Variants in SHCBP1L observed in about 807,000 individuals in gnomAD.
SHCBP1L encodes testicular spindle-associated protein SHCBP1L.
Under a neutral mutation model 62.5 loss-of-function variants are expected in SHCBP1L, and 67 were observed. That is an observed-to-expected ratio of 1.07 (90% CI 0.88 to 1.31). The LOEUF is 1.31. Ranked by LOEUF, SHCBP1L falls within the 40% of genes most tolerant of loss-of-function variation. SHCBP1L has a pLI of 0.00. For synonymous variants in SHCBP1L, 284 were observed against 289.4 expected (o/e 0.98, Z 0.19); for missense variants, 823 against 809.8 (o/e 1.02, Z -0.20).
chr1:182,930,701 G>GTA (rs1170188487), intron 5 of SHCBP1L, among the ~76,000 whole-genome samples: 184 of 38,448 alleles, frequency 4.8e-3, no homozygotes, highest in Middle Eastern at 0.025. Context: ...GTGTGTGTGT[G>GTA]TGTATATATA....
intron 6 of SHCBP1L, among the ~76,000 whole-genome samples, chr1:182,910,191 T>TGGGA (rs1470169811): frequency 6.6e-6 from 1 of 152,220 alleles, no homozygotes; most frequent in African/African-American, 2.4e-5. Context: ...AATCAACTTT[T>TGGGA]GGGAGCTCTA....
chr1:182,902,195 A>G (rs12083016), intron 9 of SHCBP1L, among the ~76,000 whole-genome samples: 54 of 151,446 alleles, frequency 3.6e-4, no homozygotes, highest in African/African-American at 1.2e-3. Context: ...GACTACAGGC[A>G]TATGCCACCA....
intron 6 of SHCBP1L, among the ~76,000 whole-genome samples, chr1:182,906,432 CT>C (rs72253101): frequency 0.081 from 11,475 of 142,112 alleles, 1,093 homozygotes; most frequent in African/African-American, 0.23. Flanking sequence ...GAACAAAATT[CT>C]TTTTTTTTTT....
At chr1:182,911,453 A>G (rs73044363) in intron 6 of SHCBP1L, among the ~76,000 whole-genome samples, 12,309 of 152,184 alleles carry the variant, frequency 0.081, 1,331 homozygotes, top group African/African-American at 0.25. Context: ...AAATTGCAAG[A>G]CATACAAAAA....
intron 6 of SHCBP1L, among the ~76,000 whole-genome samples, chr1:182,927,760 G>A (rs1358621443): frequency 6.6e-6 from 1 of 151,144 alleles, no homozygotes; most frequent in African/African-American, 2.4e-5. Flanking sequence ...TAAAATCCAA[G>A]GTCTAAGTAA....
rs549198988 is a variant in SHCBP1L at position 182,902,848 on chromosome 1, C to T, written c.1710+191G>A. On this transcript the variant is annotated intron_variant, in intron 9 of 9. Coordinates refer to ENST00000367547, the MANE Select transcript of SHCBP1L (RefSeq NM_030933.4). ...AGGTTATTTGCAAAGAGTTTAAGTA[C>T]AAATTATTAAATTATAAGGCTAAAC... Among the ~76,000 whole-genome samples the T allele has an allele frequency of 6.2e-4, 94 of 152,200 alleles. 1 individual carries two copies. Among genetic ancestry groups the T allele is most frequent in the African/African-American group, 2.1e-3 (86 of 41,532 alleles).
chr1:182,940,464 A>G lies in SHCBP1L; in HGVS notation c.635T>C (p.Ile212Thr), dbSNP rs754830226. 19 of 1,613,874 alleles carry G rather than the reference A, an allele frequency of 1.2e-5. No individual in the cohort carries two copies. Among genetic ancestry groups the G allele is most frequent in the African/African-American group, 6.7e-5 (5 of 74,918 alleles). The part of the protein sequence containing the change: ...VSVAEPFSSN[I>T]ANIPRDLVDE... Reference sequence around the variant, plus strand: ...AACCAAATCTCTTGGAATATTTGCAATGTTGGAAGAAAAGGGCTCAGCAAC... The same window carrying G: ...AACCAAATCTCTTGGAATATTTGCAGTGTTGGAAGAAAAGGGCTCAGCAAC... Residue 212 changes from isoleucine to threonine, a missense_variant, in exon 3 of 10, where the codon ATT becomes ACT. Ile to Thr is a moderately conservative substitution (Grantham distance 89, BLOSUM62 -1). Transcript: ENST00000367547.
At chr1:182,901,936 A>T (rs1649852222) in intron 9 of SHCBP1L, among the ~76,000 whole-genome samples, 1 of 152,230 alleles carries the variant, frequency 6.6e-6, no homozygotes. Flanking sequence ...GCATGCTAAC[A>T]TTCAAGGACC....
intron 5 of SHCBP1L, among the ~76,000 whole-genome samples, chr1:182,933,520 CA>C (rs773669599): frequency 4.6e-5 from 7 of 151,998 alleles, no homozygotes; most frequent in Non-Finnish European, 1.0e-4. Context: ...CCTTCTATTC[CA>C]AGTTTTTTTT....
intron 5 of SHCBP1L, among the ~76,000 whole-genome samples, chr1:182,935,023 T>C (rs1651121836): frequency 6.6e-6 from 1 of 152,150 alleles, no homozygotes; most frequent in African/African-American, 2.4e-5. Context: ...ATTTATGGAC[T>C]CTATTTCCTT....
At chr1:182,922,098 A>G (rs1650545319) in intron 6 of SHCBP1L, among the ~76,000 whole-genome samples, 1 of 152,220 alleles carries the variant, frequency 6.6e-6, no homozygotes, top group African/African-American at 2.4e-5. Context: ...AAGAAGAATT[A>G]ACTATCTTAA....
intron 5 of SHCBP1L, among the ~76,000 whole-genome samples, chr1:182,930,938 C>CA (rs1650979421): frequency 1.4e-5 from 2 of 143,692 alleles, no homozygotes; most frequent in Non-Finnish European, 3.0e-5. Flanking sequence ...ATTGCCCAAG[C>CA]TGGTCTTGAA....
At chr1:182,942,136 A>T (rs1339262172) in intron 2 of SHCBP1L, 3 of 908,270 alleles carry the variant, frequency 3.3e-6, no homozygotes, top group South Asian at 2.6e-5. Flanking sequence ...CTCCTGCTTC[A>T]TCAGAGGCTG....
At chr1:182,945,300 C>G (rs1044788801) in intron 2 of SHCBP1L, among the ~76,000 whole-genome samples, 1 of 152,086 alleles carries the variant, frequency 6.6e-6, no homozygotes, top group African/African-American at 2.4e-5. Context: ...ATTAATTTAG[C>G]CCCAAATTCC....
At chr1:182,945,708 C>G (rs1476060140) in intron 2 of SHCBP1L, among the ~76,000 whole-genome samples, 1 of 152,196 alleles carries the variant, frequency 6.6e-6, no homozygotes, top group Non-Finnish European at 1.5e-5. Context: ...TGGGATATCA[C>G]TTTCCCTAAA....
chr1:182,899,981 C>T lies in SHCBP1L; in HGVS notation c.*2G>A. ...TAAAACTTTAACATCAATTCAGACGCTTTAACTTGTGACTATTCTGATATC... is the reference window on the plus strand; with the variant it reads ...TAAAACTTTAACATCAATTCAGACGTTTTAACTTGTGACTATTCTGATATC... On this transcript the variant is annotated 3_prime_UTR_variant, in exon 10 of 10. Transcript: ENST00000367547. The T allele has an allele frequency of 6.3e-7, 1 of 1,596,832 alleles. No individual in the cohort carries two copies. Among genetic ancestry groups the T allele is most frequent in the African/African-American group, 1.3e-5 (1 of 74,324 alleles).
At chr1:182,929,846 T>G in intron 5 of SHCBP1L, 94 bp from the exon 6 acceptor site, 1 of 775,462 alleles carries the variant, frequency 1.3e-6, no homozygotes, top group East Asian at 3.0e-5. Flanking sequence ...TAAGCATCTT[T>G]GAGAAATGTT....
At chr1:182,936,606 T>C (rs1216700409) in intron 5 of SHCBP1L, among the ~76,000 whole-genome samples, 2 of 152,224 alleles carry the variant, frequency 1.3e-5, no homozygotes, top group Admixed American at 6.5e-5. Context: ...TCACATGTCA[T>C]GCAGATACCA....
intron 2 of SHCBP1L, 81 bp from the exon 3 acceptor site, chr1:182,940,624 C>T: frequency 1.8e-6 from 2 of 1,137,846 alleles, no homozygotes; most frequent in Non-Finnish European, 2.4e-6. Context: ...TATATGAGCT[C>T]ATTATAAAGT....
Sources: allele counts gnomAD v4.1 joint callset (sites outside exome capture counted in the v4.1 genomes callset), GRCh38; gene constraint gnomAD v4.1.1; transcripts MANE v1.5; gene names NCBI Gene and HGNC (gene_info 2026-07-23, HGNC 2026-07-21).